Variants in IQSEC1 observed in about 807,000 individuals in gnomAD.
IQSEC1 encodes the protein IQ motif and Sec7 domain ArfGEF 1, also known as IQ motif and SEC7 domain-containing protein 1.
Under a neutral mutation model 91.0 loss-of-function variants are expected in IQSEC1, and 31 were observed. The observed-to-expected ratio is 0.34, with a 90% CI of 0.26 to 0.46. The LOEUF (loss-of-function observed/expected upper bound fraction) is 0.46. IQSEC1 is among the 20% of genes least tolerant of loss of function. The pLI, the probability that IQSEC1 is intolerant of heterozygous loss-of-function variation, is 1.00. For missense variants in IQSEC1, 1,388 were observed against 1,575.6 expected (o/e 0.88, Z 2.02); for synonymous variants, 699 against 662.6 (o/e 1.05, Z -0.84).
In IQSEC1 at chr3:12,915,137, C is replaced by T. The variant is rs1553650305; in HGVS notation, c.2161-4G>A. The stretch of plus-strand genomic sequence containing the variant: ...GCCCGGGATGCAGGGATCCGATCTG[C>T]GGGAGAATGTGAAACCAACAAAAGG... On this transcript the variant is annotated splice_polypyrimidine_tract_variant and splice_region_variant and intron_variant, in intron 7 of 13. Transcript: ENST00000613206. The T allele has an allele frequency of 8.7e-6, 14 of 1,608,394 alleles. No homozygotes were observed. Among genetic ancestry groups the T allele is most frequent in the Admixed American group, 3.4e-5 (2 of 59,496 alleles).
intron 1 of IQSEC1, among the ~76,000 whole-genome samples, chr3:13,169,691 T>C (rs184240978): frequency 3.2e-4 from 48 of 152,362 alleles, no homozygotes; most frequent in South Asian, 3.1e-3. Flanking sequence ...CAAAGGTGAC[T>C]CTTGTAATGT....
chr3:12,901,703 A>G (rs1284633483), intron 13 of IQSEC1, among the ~76,000 whole-genome samples, 181 bp from the exon 14 acceptor site: 2 of 151,794 alleles, frequency 1.3e-5, no homozygotes, highest in African/African-American at 4.8e-5. Context: ...ACTACAGTGC[A>G]GGGCAGCTGG....
chr3:13,252,683 T>C (rs150203504), intron 1 of IQSEC1, among the ~76,000 whole-genome samples: 1 of 152,212 alleles, frequency 6.6e-6, no homozygotes, highest in Non-Finnish European at 1.5e-5. Flanking sequence ...TTCCAATTTC[T>C]CCACAACTTC....
chr3:13,071,229 C>G (rs1297179498), intron 1 of IQSEC1, among the ~76,000 whole-genome samples: 1 of 151,380 alleles, frequency 6.6e-6, no homozygotes, highest in Non-Finnish European at 1.5e-5. Context: ...AACCCCCACC[C>G]CAGGCTAGTA....
chr3:13,222,316 T>C (rs928292670), intron 1 of IQSEC1, among the ~76,000 whole-genome samples: 3 of 152,190 alleles, frequency 2.0e-5, no homozygotes, highest in Admixed American at 2.0e-4. Context: ...CAGAACGCCC[T>C]TCCTTTTTAG....
At chr3:13,204,356 G>A (rs1694302043) in intron 1 of IQSEC1, among the ~76,000 whole-genome samples, 1 of 152,290 alleles carries the variant, frequency 6.6e-6, no homozygotes, top group Non-Finnish European at 1.5e-5. Flanking sequence ...CGGAGAAACG[G>A]AGAAGAGTCA....
At position 12,967,147 on chromosome 3, in the gene IQSEC1, A is replaced by G. The variant is rs1700626819; in HGVS notation, c.24-25282T>C. On this transcript the variant is annotated intron_variant, in intron 1 of 13. Transcript: ENST00000613206. This position sits in a 1 kb window ranked among gnomAD's most constrained non-coding sequence, Gnocchi z 5.9. ...CCTGAGACCCTCCCAGGGCACACACAGCGCTCCTGTCCCAAGGGCGCGTCT... is the reference window on the plus strand; with the variant it reads ...CCTGAGACCCTCCCAGGGCACACACGGCGCTCCTGTCCCAAGGGCGCGTCT... Among the ~76,000 whole-genome samples, 1 of 151,876 alleles carries G rather than the reference A, an allele frequency of 6.6e-6. No individual in the cohort carries two copies. The highest frequency in any genetic ancestry group is 2.4e-5 in the African/African-American group (1 of 41,308).
At chr3:13,252,181 A>G (rs1695206192) in intron 1 of IQSEC1, among the ~76,000 whole-genome samples, 1 of 152,022 alleles carries the variant, frequency 6.6e-6, no homozygotes, top group African/African-American at 2.4e-5. Context: ...CTCTGCCCCC[A>G]TTAAACACGA....
At chr3:13,175,979 G>T (rs1693720847) in intron 1 of IQSEC1, among the ~76,000 whole-genome samples, 1 of 152,238 alleles carries the variant, frequency 6.6e-6, no homozygotes, top group South Asian at 2.1e-4. Context: ...CAAGCACCCA[G>T]ACACTTCTGA....
chr3:13,015,474 C>T (rs1576168085), intron 1 of IQSEC1: 1 of 750,090 alleles, frequency 1.3e-6, no homozygotes, highest in East Asian at 1.3e-4. Context: ...GACGACAGCC[C>T]CCAAGACCCT....
At chr3:13,262,078 G>T (rs74980667) in intron 1 of IQSEC1, among the ~76,000 whole-genome samples, 4,267 of 152,300 alleles carry the variant, frequency 0.028, 110 homozygotes, top group Middle Eastern at 0.058. Flanking sequence ...ATAAAGCCAG[G>T]CCTGGAGCAG....
chr3:13,125,702 G>A lies in IQSEC1; in HGVS notation c.302+38402C>T, dbSNP rs1394240598. Among the ~76,000 whole-genome samples the A allele has an allele frequency of 2.0e-5, 3 of 152,188 alleles. No individual in the cohort carries two copies. In the East Asian group the frequency reaches 5.8e-4, roughly 29 times the overall value. ...GCATCATCCACCATACTGGGATTCC[G>A]CTTGTGGGGGATAAGGGCCCTACTC... On this transcript the variant is annotated intron_variant, in intron 2 of 15. Coordinates refer to the IQSEC1 transcript ENST00000648114.
intron 10 of IQSEC1, among the ~76,000 whole-genome samples, chr3:12,910,940 G>A (rs1185597624): frequency 6.6e-6 from 1 of 152,234 alleles, no homozygotes; most frequent in African/African-American, 2.4e-5. Context: ...CAACAGGGAA[G>A]GGACAAAGGA....
chr3:12,963,725 G>C (rs1700381217), intron 1 of IQSEC1, among the ~76,000 whole-genome samples: 1 of 152,212 alleles, frequency 6.6e-6, no homozygotes, highest in African/African-American at 2.4e-5. Flanking sequence ...CCCAAGTCCT[G>C]TGCTCTGTGA....
At chr3:13,124,692 G>A (rs540637403) in intron 2 of IQSEC1, among the ~76,000 whole-genome samples, 1 of 152,286 alleles carries the variant, frequency 6.6e-6, no homozygotes, top group East Asian at 1.9e-4. Context: ...GTCATTATTC[G>A]TGGTGTACTT....
At chr3:13,124,540 T>C (rs1365114999) in intron 2 of IQSEC1, among the ~76,000 whole-genome samples, 1 of 152,178 alleles carries the variant, frequency 6.6e-6, no homozygotes, top group Non-Finnish European at 1.5e-5. Flanking sequence ...TAGCTGTTCA[T>C]CCGTGATGTG....
chr3:12,906,576 G>C (rs544846065), intron 12 of IQSEC1, among the ~76,000 whole-genome samples: 1 of 152,348 alleles, frequency 6.6e-6, no homozygotes, highest in South Asian at 2.1e-4. Flanking sequence ...GCCCAGGGTG[G>C]GGTCTCAGTC....
At chr3:13,035,494 C>G (rs183423740) in intron 1 of IQSEC1, among the ~76,000 whole-genome samples, 3 of 152,196 alleles carry the variant, frequency 2.0e-5, no homozygotes, top group Non-Finnish European at 4.4e-5. Flanking sequence ...ATAATCACCA[C>G]ACTTCATTTC....
intron 13 of IQSEC1, among the ~76,000 whole-genome samples, chr3:12,902,323 T>A (rs1220094375): frequency 6.6e-6 from 1 of 151,838 alleles, no homozygotes; most frequent in African/African-American, 2.4e-5. Context: ...AAGAAAGCGA[T>A]GAGGATGGGC....
Sources: gnomAD v4.1 joint callset for allele counts (sites outside exome capture counted in the v4.1 genomes callset) on GRCh38, gnomAD v4.1.1 for gene constraint, Gnocchi (gnomAD v3.1) non-coding constraint, MANE v1.5 for transcripts, NCBI Gene and HGNC (gene_info 2026-07-23, HGNC 2026-07-21) for gene names.